Variants in DAB1 observed in about 807,000 individuals in gnomAD.
DAB1 encodes the protein DAB adaptor protein 1, also known as disabled homolog 1.
In DAB1, 15 loss-of-function variants were observed where a neutral mutation model predicts 64.6. The observed-to-expected ratio is 0.23, with a 90% CI of 0.16 to 0.36. The LOEUF is 0.36. Ranked by LOEUF, DAB1 falls within the 10% of genes least tolerant of loss-of-function variation. The pLI is 1.00. For missense variants in DAB1, 596 were observed against 706.7 expected (o/e 0.84, Z 1.78); for synonymous variants, 235 against 251.9 (o/e 0.93, Z 0.64).
At chr1:58,311,341 A>G (rs1425484628) in intron 4 of DAB1, among the ~76,000 whole-genome samples, 1 of 152,178 alleles carries the variant, frequency 6.6e-6, no homozygotes, top group Non-Finnish European at 1.5e-5. Context: ...CTTGTTTTTA[A>G]TAAGTGTATA....
intron 7 of DAB1, among the ~76,000 whole-genome samples, chr1:57,626,897 A>C (rs116479418): frequency 0.011 from 1,698 of 152,246 alleles, 27 homozygotes; most frequent in African/African-American, 0.038. Flanking sequence ...TCCAATGTAT[A>C]AATCGTGGGG....
chr1:58,126,127 G>C (rs969963559), intron 5 of DAB1, among the ~76,000 whole-genome samples: 2 of 152,152 alleles, frequency 1.3e-5, no homozygotes, highest in Admixed American at 1.3e-4. Flanking sequence ...AATAAAATCA[G>C]TCTGACCTTT....
At chr1:58,222,596 A>G (rs955296811) in intron 4 of DAB1, among the ~76,000 whole-genome samples, 18 of 152,176 alleles carry the variant, frequency 1.2e-4, no homozygotes, top group Non-Finnish European at 2.5e-4. Context: ...CCTTTTCCCC[A>G]TCTGATGGAG....
intron 4 of DAB1, among the ~76,000 whole-genome samples, chr1:58,196,282 A>G (rs1274301957): frequency 6.6e-6 from 1 of 152,228 alleles, no homozygotes; most frequent in Admixed American, 6.5e-5. Context: ...TTGGAGCACC[A>G]AGTATGAGGA....
At chr1:58,244,773 T>A (rs569692486) in intron 4 of DAB1, among the ~76,000 whole-genome samples, 41 of 152,288 alleles carry the variant, frequency 2.7e-4, no homozygotes, top group Middle Eastern at 3.4e-3. Context: ...CAGCTGAGAA[T>A]AAACTAAGAG....
chr1:57,312,244 C>A (rs1249541876), intron 1 of DAB1, among the ~76,000 whole-genome samples: 1 of 152,130 alleles, frequency 6.6e-6, no homozygotes, highest in Non-Finnish European at 1.5e-5. Context: ...TAACCTAAGT[C>A]TTTCATTTTA....
At chr1:56,999,785 A>G (rs529119962) in intron 14 of DAB1, among the ~76,000 whole-genome samples, 3 of 152,240 alleles carry the variant, frequency 2.0e-5, no homozygotes, top group South Asian at 4.1e-4. Flanking sequence ...CATCAGATCC[A>G]ATTTCTGGTT....
At chr1:57,315,655 A>G (rs1185826740) in intron 1 of DAB1, among the ~76,000 whole-genome samples, 1 of 152,080 alleles carries the variant, frequency 6.6e-6, no homozygotes, top group Non-Finnish European at 1.5e-5. Context: ...AGTGCCTGCC[A>G]CCACGCCCAG....
intron 1 of DAB1, among the ~76,000 whole-genome samples, chr1:57,326,625 T>C (rs1676177826): frequency 6.6e-6 from 1 of 152,200 alleles, no homozygotes; most frequent in Non-Finnish European, 1.5e-5. Context: ...AGCTGGAGGC[T>C]AAGAAGTCCA....
intron 2 of DAB1, among the ~76,000 whole-genome samples, chr1:57,162,485 G>T (rs1012428479): frequency 3.3e-5 from 5 of 152,196 alleles, no homozygotes; most frequent in Admixed American, 2.0e-4. Flanking sequence ...GCATTTGAAG[G>T]CTTGCTCTTG....
At chr1:58,334,937 G>C (rs1663074690) in intron 4 of DAB1, among the ~76,000 whole-genome samples, 1 of 152,100 alleles carries the variant, frequency 6.6e-6, no homozygotes. Flanking sequence ...CTGGGGAATA[G>C]AATGATGAAG....
At chr1:57,693,174 G>A (rs1018829881) in intron 6 of DAB1, among the ~76,000 whole-genome samples, 2 of 152,084 alleles carry the variant, frequency 1.3e-5, no homozygotes, top group African/African-American at 4.8e-5. Context: ...CCCCTCCAGA[G>A]GATACTACAA....
At chr1:58,534,960 G>A (rs1159714268) in intron 1 of DAB1, among the ~76,000 whole-genome samples, 1 of 152,056 alleles carries the variant, frequency 6.6e-6, no homozygotes, top group Non-Finnish European at 1.5e-5. Flanking sequence ...AAGAAAAGGA[G>A]AGCCTGGAGA....
At chr1:57,347,184 T>G (rs1318905253) in intron 1 of DAB1, among the ~76,000 whole-genome samples, 1 of 152,106 alleles carries the variant, frequency 6.6e-6, no homozygotes, top group Non-Finnish European at 1.5e-5. Context: ...AGGAGAGGAT[T>G]TGGGGTCAGC....
At chr1:57,600,135 C>A (rs1645559333) in intron 7 of DAB1, among the ~76,000 whole-genome samples, 1 of 152,142 alleles carries the variant, frequency 6.6e-6, no homozygotes, top group African/African-American at 2.4e-5. Flanking sequence ...TGGGGAGCAA[C>A]TCACTGTGTT....
At chr1:57,071,728 G>T in intron 5 of DAB1, 87 bp from the exon 6 acceptor site, 1 of 1,280,524 alleles carries the variant, frequency 7.8e-7, no homozygotes, top group Non-Finnish European at 1.1e-6. Context: ...ACAACCCGCA[G>T]CCCTTCCTTT....
At chr1:57,638,705 G>A (rs983030579) in intron 7 of DAB1, among the ~76,000 whole-genome samples, 2 of 152,190 alleles carry the variant, frequency 1.3e-5, no homozygotes, top group Non-Finnish European at 2.9e-5. Flanking sequence ...GAGGGAAGGG[G>A]CTTGAAGAAT....
chr1:57,695,404 G>GA (rs1156503384), intron 6 of DAB1, among the ~76,000 whole-genome samples: 1 of 109,918 alleles, frequency 9.1e-6, no homozygotes, highest in Admixed American at 8.3e-5. Context: ...AAGAAAGAAA[G>GA]AAAGAAAGAA....
intron 1 of DAB1, chr1:58,546,595 C>G (rs1408182998): frequency 6.6e-6 from 1 of 152,420 alleles, no homozygotes; most frequent in African/African-American, 2.4e-5. Flanking sequence ...CGGGCGCCCC[C>G]GCAGGCGCTC....
Sources: gnomAD v4.1 joint callset for allele counts (sites outside exome capture counted in the v4.1 genomes callset) on GRCh38, gnomAD v4.1.1 for gene constraint, MANE v1.5 for transcripts, NCBI Gene and HGNC (gene_info 2026-07-23, HGNC 2026-07-21) for gene names.